Variants in SYTL3 observed in about 807,000 individuals in gnomAD.
SYTL3 encodes the protein synaptotagmin like 3, also known as synaptotagmin-like protein 3.
A neutral mutation model predicts 82.1 loss-of-function variants in SYTL3; 88 were observed. That is an observed-to-expected ratio of 1.07 (90% confidence interval 0.90 to 1.28). The LOEUF is 1.28. SYTL3 is among the 50% of genes most tolerant of loss of function. The pLI is 0.00. For missense variants in SYTL3, 831 were observed against 757.6 expected (o/e 1.10, Z -1.14); for synonymous variants, 311 against 289.4 (o/e 1.07, Z -0.76).
intron 6 of SYTL3, among the ~76,000 whole-genome samples, chr6:158,691,931 G>A (rs1373697302): frequency 1.3e-5 from 2 of 148,390 alleles, no homozygotes; most frequent in African/African-American, 2.5e-5. Context: ...GATTACAGGC[G>A]TGAGCCACCG....
At chr6:158,648,377 G>C (rs567592428), upstream of SYTL3, among the ~76,000 whole-genome samples, 1 of 152,034 alleles carries the variant, frequency 6.6e-6, no homozygotes, top group African/African-American at 2.4e-5. Context: ...GGATCACGAG[G>C]TCAGGAGATC....
At chr6:158,698,895 T>C (rs75131490) in intron 6 of SYTL3, among the ~76,000 whole-genome samples, 10,023 of 152,250 alleles carry the variant, frequency 0.066, 420 homozygotes, top group Middle Eastern at 0.12. Flanking sequence ...GTGCTTTTCT[T>C]TGGTGGCACT....
intron 6 of SYTL3, among the ~76,000 whole-genome samples, chr6:158,697,551 A>T (rs1032890654): frequency 6.6e-6 from 1 of 152,228 alleles, no homozygotes; most frequent in African/African-American, 2.4e-5. Context: ...ATTGGACATC[A>T]TCAAAATGAA....
intron 11 of SYTL3, among the ~76,000 whole-genome samples, chr6:158,732,367 A>G (rs1785515043): frequency 6.6e-6 from 1 of 152,272 alleles, no homozygotes; most frequent in African/African-American, 2.4e-5. Flanking sequence ...ACAAGGTATC[A>G]AAATATAAAT....
chr6:158,760,173 G>GA (rs1248688253), intron 14 of SYTL3, among the ~76,000 whole-genome samples: 2 of 152,042 alleles, frequency 1.3e-5, no homozygotes, highest in African/African-American at 2.4e-5. Flanking sequence ...ACCCTGAGGG[G>GA]CCACCCCCTG....
chr6:158,757,870 G>A (rs768030835), intron 14 of SYTL3, among the ~76,000 whole-genome samples: 13 of 152,344 alleles, frequency 8.5e-5, no homozygotes, highest in African/African-American at 1.7e-4. Context: ...GGCAGAGGCC[G>A]CCCTGGCTAG....
intron 9 of SYTL3, among the ~76,000 whole-genome samples, chr6:158,715,983 C>T (rs1052633328): frequency 6.6e-6 from 1 of 152,132 alleles, no homozygotes; most frequent in African/African-American, 2.4e-5. Flanking sequence ...CTGTAGAGGG[C>T]CCCAGACTCT....
intron 5 of SYTL3, among the ~76,000 whole-genome samples, chr6:158,667,278 C>CT (rs1356758007): frequency 1.3e-5 from 2 of 152,190 alleles, no homozygotes; most frequent in African/African-American, 4.8e-5. Flanking sequence ...GGCACTGTAA[C>CT]TTTACCCTCT....
rs961873142 is a variant in SYTL3, at chr6:158,675,401, A to T, written c.330-7524A>T. 5.9e-5 allele frequency among the ~76,000 whole-genome samples: 9 copies of T among 152,206 alleles called. 1 individual carries two copies. Among genetic ancestry groups the T allele is most frequent in the African/African-American group, 2.2e-4 (9 of 41,452 alleles). On this transcript the variant is annotated intron_variant, in intron 5 of 17. Coordinates refer to ENST00000611299, the MANE Select transcript of SYTL3 (RefSeq NM_001242394.2). ...CTGACTCCTTTGATAGTTACCTAGG[A>T]TTCAATCACAATGATCAGTCTTTTT... is the stretch of plus-strand genomic sequence containing the variant.
intron 5 of SYTL3, among the ~76,000 whole-genome samples, chr6:158,670,176 T>A (rs924249656): frequency 1.3e-5 from 2 of 152,248 alleles, no homozygotes; most frequent in African/African-American, 4.8e-5. Context: ...AGACTGGTTT[T>A]CCCAGTACTT....
chr6:158,683,462 G>A (rs56211437), intron 6 of SYTL3, among the ~76,000 whole-genome samples: 14,278 of 151,896 alleles, frequency 0.094, 1,431 homozygotes, highest in African/African-American at 0.25. Flanking sequence ...CTCATGATCC[G>A]CCCGCCTCGG....
At chr6:158,736,692 G>A (rs1583427938) in intron 11 of SYTL3, among the ~76,000 whole-genome samples, 1 of 151,720 alleles carries the variant, frequency 6.6e-6, no homozygotes, top group East Asian at 1.9e-4. Flanking sequence ...GGAGGCTGAG[G>A]CAGGAGAAAT....
chr6:158,737,191 T>C (rs55719587), intron 11 of SYTL3, among the ~76,000 whole-genome samples: 50,640 of 151,964 alleles, frequency 0.33, 9,436 homozygotes, highest in African/African-American at 0.5. Context: ...CTAATTGAAC[T>C]TCACCATGAC....
At chr6:158,729,306 C>T (rs9457456) in intron 11 of SYTL3, among the ~76,000 whole-genome samples, 85,900 of 151,910 alleles carry the variant, frequency 0.57, 25,285 homozygotes, top group African/African-American at 0.7. Flanking sequence ...TAGTGGTCTG[C>T]TCCTCATAGA....
At chr6:158,659,785 A>G (rs933417932) in intron 2 of SYTL3, among the ~76,000 whole-genome samples, 2 of 152,206 alleles carry the variant, frequency 1.3e-5, no homozygotes, top group African/African-American at 4.8e-5. Context: ...AAGGTCAGAA[A>G]TACATTTAAG....
At chr6:158,689,091 A>G (rs1011173807) in intron 6 of SYTL3, among the ~76,000 whole-genome samples, 4 of 152,214 alleles carry the variant, frequency 2.6e-5, no homozygotes, top group Admixed American at 1.3e-4. Flanking sequence ...TTGGATAGTT[A>G]GGGGATTTCC....
intron 6 of SYTL3, among the ~76,000 whole-genome samples, chr6:158,702,619 C>T (rs571947332): frequency 1.2e-4 from 18 of 152,066 alleles, no homozygotes; most frequent in East Asian, 1.2e-3. Flanking sequence ...CGTTTCCCCC[C>T]GGCTTTGTAT....
chr6:158,711,180 T>G (rs1168903302), intron 8 of SYTL3, among the ~76,000 whole-genome samples: 2 of 152,248 alleles, frequency 1.3e-5, no homozygotes, highest in East Asian at 3.8e-4. Flanking sequence ...ACACCAATAC[T>G]AATTAGCTTT....
intron 12 of SYTL3, 67 bp downstream of exon 12, chr6:158,745,725 G>A: frequency 8.3e-7 from 1 of 1,211,260 alleles, no homozygotes; most frequent in Non-Finnish European, 1.1e-6. Context: ...AAAAGTAAAA[G>A]TCTAAGAATA....
Sources: allele counts gnomAD v4.1 joint callset (sites outside exome capture counted in the v4.1 genomes callset), GRCh38; gene constraint gnomAD v4.1.1; transcripts MANE v1.5; gene names NCBI Gene and HGNC (gene_info 2026-07-23, HGNC 2026-07-21).